Variants in CNOT6 observed in about 807,000 individuals in gnomAD.
CNOT6 encodes the protein CCR4-NOT transcription complex subunit 6.
A neutral mutation model predicts 61.2 loss-of-function variants in CNOT6; 12 were observed. The observed-to-expected ratio is 0.20, with a 90% CI of 0.13 to 0.32. The LOEUF is 0.32. Ranked by LOEUF, CNOT6 falls within the 10% of genes least tolerant of loss-of-function variation. The pLI is 1.00. For missense variants in CNOT6, 405 were observed against 663.9 expected, an observed-to-expected ratio of 0.61 and a Z score of 4.28; for synonymous variants, 225 against 240.6, an observed-to-expected ratio of 0.94 and a Z score of 0.60.
intron 1 of CNOT6, among the ~76,000 whole-genome samples, chr5:180,511,035 C>A (rs1179982911): frequency 6.6e-6 from 1 of 152,170 alleles, no homozygotes; most frequent in Admixed American, 6.5e-5. Context: ...GAACTCCTGA[C>A]CTCAGGTAAT....
intron 1 of CNOT6, among the ~76,000 whole-genome samples, chr5:180,505,250 A>C (rs1409235494): frequency 1.2e-5 from 1 of 86,912 alleles, no homozygotes; most frequent in Non-Finnish European, 2.3e-5. Context: ...GGTAATAGTT[A>C]ATTTTTTTTT....
In CNOT6 at chr5:180,571,391, A is replaced by G. The variant is rs1176729797; in HGVS notation, c.1420A>G (p.Ser474Gly). Residue 474 changes from serine to glycine, a missense_variant, in exon 11 of 12, where the codon AGT (serine) becomes GGT (glycine). This residue lies in a region of CNOT6 where 116 missense variants were observed against 184.6 expected (regional missense o/e 0.63). Coordinates refer to ENST00000261951, the MANE Select transcript of CNOT6 (RefSeq NM_001370472.1). The part of the protein sequence containing the change: ...HGFKLQSAYE[S>G]GLMPYTNYTF... ...TTTCAAGTTACAGAGTGCCTATGAG[A>G]GTGGCCTGATGCCTTACACGAATTA... The G allele has an allele frequency of 6.8e-6, 11 of 1,614,178 alleles. No individual in the cohort carries two copies. Among genetic ancestry groups the G allele is most frequent in the Non-Finnish European group, 9.3e-6 (11 of 1,180,002 alleles).
intron 4 of CNOT6, among the ~76,000 whole-genome samples, chr5:180,557,647 C>G (rs1242281205): frequency 1.3e-5 from 2 of 152,060 alleles, no homozygotes. Context: ...ACACATATTT[C>G]TCTCAGTATG....
At chr5:180,520,620 G>C (rs1297898662) in intron 1 of CNOT6, among the ~76,000 whole-genome samples, 1 of 151,894 alleles carries the variant, frequency 6.6e-6, no homozygotes, top group African/African-American at 2.4e-5. Flanking sequence ...CCAGCCTGGC[G>C]ACAGAGCGAG....
chr5:180,502,496 T>A (rs1037549754), intron 1 of CNOT6, among the ~76,000 whole-genome samples: 1 of 152,308 alleles, frequency 6.6e-6, no homozygotes, highest in South Asian at 2.1e-4. Context: ...TTTGCACTTA[T>A]GTTGTGCTCC....
At chr5:180,527,546 G>A (rs1758157171) in intron 1 of CNOT6, among the ~76,000 whole-genome samples, 1 of 152,122 alleles carries the variant, frequency 6.6e-6, no homozygotes, top group African/African-American at 2.4e-5. Context: ...TTTTAAACAC[G>A]TTCCTCTAGA....
intron 1 of CNOT6, among the ~76,000 whole-genome samples, chr5:180,521,028 A>G (rs1757858663): frequency 6.6e-6 from 1 of 151,880 alleles, no homozygotes; most frequent in Non-Finnish European, 1.5e-5. Flanking sequence ...TATTTTTGGT[A>G]GAGACAGGGT....
chr5:180,519,833 CTT>C (rs35658678), intron 1 of CNOT6, among the ~76,000 whole-genome samples: 2,618 of 135,208 alleles, frequency 0.019, 66 homozygotes, highest in African/African-American at 0.064. Flanking sequence ...TATCCATTTG[CTT>C]TTTTTTTTTT....
chr5:180,507,307 A>G (rs149069400), intron 1 of CNOT6, among the ~76,000 whole-genome samples: 3 of 152,300 alleles, frequency 2.0e-5, no homozygotes, highest in Admixed American at 2.0e-4. Flanking sequence ...TGAACAAGAT[A>G]TAGTTTTAGG....
intron 2 of CNOT6, among the ~76,000 whole-genome samples, chr5:180,548,817 T>G (rs1403959979): frequency 6.6e-6 from 1 of 152,224 alleles, no homozygotes; most frequent in Non-Finnish European, 1.5e-5. Context: ...CAATAGAAAA[T>G]TAATCAGTTC....
intron 1 of CNOT6, among the ~76,000 whole-genome samples, chr5:180,497,087 G>A (rs1756644570): frequency 6.6e-6 from 1 of 152,072 alleles, no homozygotes; most frequent in Non-Finnish European, 1.5e-5. Context: ...CAGCACTTTC[G>A]GAGGCCGAGA....
intron 1 of CNOT6, among the ~76,000 whole-genome samples, chr5:180,515,323 C>T (rs559113275): frequency 1.1e-4 from 17 of 152,078 alleles, no homozygotes; most frequent in Non-Finnish European, 2.1e-4. Flanking sequence ...GCCCAGGAGC[C>T]TATGATTGCA....
intron 1 of CNOT6, among the ~76,000 whole-genome samples, chr5:180,518,504 T>G (rs73812325): frequency 0.031 from 4,563 of 147,914 alleles, 96 homozygotes; most frequent in African/African-American, 0.065. Context: ...TTTGTGTGTG[T>G]GGGGGGGAGG....
intron 2 of CNOT6, among the ~76,000 whole-genome samples, chr5:180,538,726 T>C (rs919560562): frequency 7.7e-6 from 1 of 130,120 alleles, no homozygotes; most frequent in Non-Finnish European, 1.7e-5. Flanking sequence ...ACAAAAAAAT[T>C]AGCCAGGTGT....
chr5:180,556,780 G>A (rs996551154), intron 4 of CNOT6, among the ~76,000 whole-genome samples: 2 of 152,044 alleles, frequency 1.3e-5, no homozygotes, highest in Admixed American at 1.3e-4. Flanking sequence ...GTGAAACCCC[G>A]TCACTACTAA....
Position 180,553,366 on chromosome 5 carries a change from TG to T in CNOT6, c.300-18del. The T allele has an allele frequency of 6.3e-7, 1 of 1,591,900 alleles. No homozygotes were observed. The highest frequency in any genetic ancestry group is 8.6e-7 in the Non-Finnish European group (1 of 1,162,184). ...AGGCTAACATATTTTTCTGACTTCC[TG>T]GAATTTTTACATCAACAGGGAGCTC... On this transcript the variant is annotated intron_variant, in intron 3 of 11. Coordinates refer to ENST00000261951, the MANE Select transcript of CNOT6 (RefSeq NM_001370472.1).
rs1760989261 is a variant in CNOT6 at position 180,576,060 on chromosome 5, A to G, written c.*1860A>G. 6.6e-6 allele frequency: 1 copy of G among 152,610 alleles called. No homozygotes were observed. 9.5% of individuals were successfully genotyped at this position (152,610 alleles called of 1,614,324 possible). ...TTTTTGTTTAAGTTGTGCTGACACC[A>G]AACACATCCAGTTTATAATCAGTAC... On this transcript the variant is annotated 3_prime_UTR_variant, in exon 12 of 12. Transcript: ENST00000261951.
chr5:180,546,561 T>C (rs992952176), intron 2 of CNOT6, among the ~76,000 whole-genome samples: 2 of 152,248 alleles, frequency 1.3e-5, no homozygotes, highest in Non-Finnish European at 2.9e-5. Flanking sequence ...CTTTGTGATG[T>C]GTCACTTCTG....
intron 11 of CNOT6, 86 bp downstream of exon 11, chr5:180,571,518 TG>T: frequency 1.0e-6 from 1 of 973,866 alleles, no homozygotes; most frequent in Middle Eastern, 2.1e-4. Flanking sequence ...AAACTGTGGC[TG>T]TGTGTTCAGG....
Sources: gnomAD v4.1 joint callset for allele counts (sites outside exome capture counted in the v4.1 genomes callset) on GRCh38, gnomAD v4.1.1 for gene constraint, gnomAD v4.1.1 regional missense constraint, MANE v1.5 for transcripts, NCBI Gene and HGNC (gene_info 2026-07-23, HGNC 2026-07-21) for gene names.